The following CTNNBIP1 variants were observed in gnomAD, a reference collection of about 807,000 sequenced individuals.
The protein encoded by CTNNBIP1 is beta-catenin-interacting protein 1.
CTNNBIP1 carries 7 observed loss-of-function variants against 11.8 expected under a neutral mutation model. That is an observed-to-expected ratio of 0.60 (90% CI 0.34 to 1.12). The LOEUF (loss-of-function observed/expected upper bound fraction) is 1.12. Among genes scored for constraint, CTNNBIP1 ranks in the 50% most tolerant of loss-of-function variants. CTNNBIP1 has a pLI of 0.03. For missense variants in CTNNBIP1, 101 were observed against 113.4 expected, an observed-to-expected ratio of 0.89 and a Z score of 0.50; for synonymous variants, 58 against 43.9, an observed-to-expected ratio of 1.32 and a Z score of -1.26.
At chr1:9,890,078 G>A (rs1413921392) in intron 1 of CTNNBIP1, among the ~76,000 whole-genome samples, 5 of 152,208 alleles carry the variant, frequency 3.3e-5, no homozygotes, top group South Asian at 2.1e-4. Context: ...TTGGCATGAG[G>A]CATCTGTTTA....
chr1:9,860,629 A>AAAAAAAAG (rs1638607176), intron 5 of CTNNBIP1, among the ~76,000 whole-genome samples: 1 of 150,738 alleles, frequency 6.6e-6, no homozygotes, highest in African/African-American at 2.4e-5. Flanking sequence ...AAAAAAAAAA[A>AAAAAAAAG]AAAAAAGAAA....
At chr1:9,874,977 T>C (rs1426314035) in intron 3 of CTNNBIP1, among the ~76,000 whole-genome samples, 1 of 152,210 alleles carries the variant, frequency 6.6e-6, no homozygotes, top group African/African-American at 2.4e-5. Flanking sequence ...TTCTGTCCTG[T>C]GCCTAAGGGC....
intron 5 of CTNNBIP1, among the ~76,000 whole-genome samples, chr1:9,858,291 C>T (rs533606120): frequency 2.1e-4 from 32 of 152,240 alleles, no homozygotes; most frequent in African/African-American, 7.2e-4. Context: ...TCCTACCATG[C>T]CTTTGCTCAA....
At chr1:9,887,777 C>T (rs1043237446) in intron 1 of CTNNBIP1, among the ~76,000 whole-genome samples, 1 of 152,024 alleles carries the variant, frequency 6.6e-6, no homozygotes, top group Admixed American at 6.6e-5. Flanking sequence ...CACTGCCAAT[C>T]AGAGATTAAT....
At chr1:9,887,575 C>T (rs1174040210) in intron 1 of CTNNBIP1, among the ~76,000 whole-genome samples, 1 of 152,004 alleles carries the variant, frequency 6.6e-6, no homozygotes, top group South Asian at 2.1e-4. Flanking sequence ...TGGTGGCACA[C>T]GCCTGTAATC....
intron 5 of CTNNBIP1, among the ~76,000 whole-genome samples, chr1:9,854,569 T>C (rs1484452541): frequency 6.6e-6 from 1 of 151,936 alleles, no homozygotes; most frequent in Non-Finnish European, 1.5e-5. Context: ...TTAGGTAAGT[T>C]AAGAAAAAGA....
intron 1 of CTNNBIP1, among the ~76,000 whole-genome samples, chr1:9,904,819 G>A (rs1010856149): frequency 6.6e-6 from 1 of 152,132 alleles, no homozygotes; most frequent in African/African-American, 2.4e-5. Flanking sequence ...CACTGTAGAC[G>A]ACAAGCTGCT....
chr1:9,852,414 T>C (rs1638410465), intron 5 of CTNNBIP1, among the ~76,000 whole-genome samples: 1 of 152,196 alleles, frequency 6.6e-6, no homozygotes. Context: ...ACAACCTCCA[T>C]TGCTCAGAAG....
intron 1 of CTNNBIP1, among the ~76,000 whole-genome samples, chr1:9,888,845 GT>G (rs1639240383): frequency 6.6e-6 from 1 of 152,150 alleles, no homozygotes; most frequent in African/African-American, 2.4e-5. Context: ...GCTGTTCCAG[GT>G]CCAGAGCTCT....
chr1:9,855,418 G>A (rs1638480690), intron 5 of CTNNBIP1, among the ~76,000 whole-genome samples: 1 of 152,076 alleles, frequency 6.6e-6, no homozygotes, highest in African/African-American at 2.4e-5. Flanking sequence ...GAGACTGGGT[G>A]GTACTGGCAT....
intron 1 of CTNNBIP1, among the ~76,000 whole-genome samples, chr1:9,902,723 CT>C (rs1200553609): frequency 6.6e-6 from 1 of 152,036 alleles, no homozygotes; most frequent in Non-Finnish European, 1.5e-5. Flanking sequence ...TATAATAAGC[CT>C]TTTGGTCCTA....
At chr1:9,852,809 C>G (rs867140201) in intron 5 of CTNNBIP1, among the ~76,000 whole-genome samples, 8 of 152,306 alleles carry the variant, frequency 5.3e-5, no homozygotes, top group South Asian at 2.1e-4. Flanking sequence ...CGCTCAGGGA[C>G]CTTGGGCCTC....
At chr1:9,861,893 A>G (rs1452539524) in intron 5 of CTNNBIP1, among the ~76,000 whole-genome samples, 1 of 152,304 alleles carries the variant, frequency 6.6e-6, no homozygotes, top group Admixed American at 6.5e-5. Context: ...TGATGAATCT[A>G]TCCCCAATCT....
chr1:9,891,926 C>T (rs113907502), intron 1 of CTNNBIP1, among the ~76,000 whole-genome samples: 6 of 151,704 alleles, frequency 4.0e-5, no homozygotes, highest in East Asian at 1.9e-4. Context: ...CTCGGCCTCC[C>T]GAGTAGTTGG....
At chr1:9,889,333 T>C (rs1309248978) in intron 1 of CTNNBIP1, among the ~76,000 whole-genome samples, 1 of 152,182 alleles carries the variant, frequency 6.6e-6, no homozygotes, top group Non-Finnish European at 1.5e-5. Context: ...CATTTTTGAT[T>C]GTCACGACTA....
chr1:9,880,627 C>G (rs1437553017), intron 2 of CTNNBIP1, among the ~76,000 whole-genome samples: 1 of 152,212 alleles, frequency 6.6e-6, no homozygotes, highest in Non-Finnish European at 1.5e-5. Context: ...TTCTCCACAG[C>G]CTCGCCAGCA....
In CTNNBIP1 at chr1:9,860,362, G is replaced by A. The variant is rs542705693; in HGVS notation, c.188-9586C>T. Among the ~76,000 whole-genome samples the A allele has an allele frequency of 2.7e-5, 4 of 150,804 alleles. No individual in the cohort carries two copies. In the South Asian group the frequency reaches 6.3e-4, roughly 24 times the overall value. On this transcript the variant is annotated intron_variant, in intron 5 of 5. Transcript: ENST00000377263. ...TCCCAGCAATTTAAGATGCTGAGGC[G>A]GGTGGATCACCTGAGGTCAGGAGTT...
intron 2 of CTNNBIP1, among the ~76,000 whole-genome samples, chr1:9,879,080 C>T (rs1639030237): frequency 6.6e-6 from 1 of 152,010 alleles, no homozygotes; most frequent in African/African-American, 2.4e-5. Context: ...GCCTGTAATC[C>T]CAGCTACTTG....
At chr1:9,879,151 C>T (rs1340071993) in intron 2 of CTNNBIP1, among the ~76,000 whole-genome samples, 2 of 151,824 alleles carry the variant, frequency 1.3e-5, no homozygotes, top group Admixed American at 6.6e-5. Flanking sequence ...GAGCTGACAT[C>T]GCGCCACTAC....
Sources: allele counts gnomAD v4.1 joint callset (sites outside exome capture counted in the v4.1 genomes callset), GRCh38; gene constraint gnomAD v4.1.1; transcripts MANE v1.5; gene names NCBI Gene and HGNC (gene_info 2026-07-23, HGNC 2026-07-21).